The following EHD3 variants were observed in gnomAD, a reference collection of about 807,000 sequenced individuals.
EHD3 encodes EH domain containing 3, also known as EH domain-containing protein 3.
A neutral mutation model predicts 43.0 loss-of-function variants in EHD3; 17 were observed. The ratio of observed to expected loss-of-function variants is 0.40; its 90% confidence interval spans 0.27 to 0.59. EHD3 has a LOEUF of 0.59. EHD3 is among the 20% of genes least tolerant of loss of function. The probability of loss-of-function intolerance (pLI) is 0.49; values close to 1 mark genes in which losing one functional copy is unlikely to be tolerated. For synonymous variants in EHD3, 313 were observed against 289.5 expected, an observed-to-expected ratio of 1.08 and a Z score of -0.82; for missense variants, 594 against 705.6, an observed-to-expected ratio of 0.84 and a Z score of 1.79.
intron 3 of EHD3, among the ~76,000 whole-genome samples, chr2:31,255,267 T>C (rs959820374): frequency 1.1e-4 from 16 of 152,140 alleles, no homozygotes; most frequent in Non-Finnish European, 2.4e-4. Flanking sequence ...TCATGAACAC[T>C]TGGGCTGCCG....
chr2:31,261,964 G>A (rs562068038), intron 5 of EHD3, among the ~76,000 whole-genome samples: 29 of 152,318 alleles, frequency 1.9e-4, no homozygotes, highest in Middle Eastern at 3.4e-3. Flanking sequence ...GATGCTGGGG[G>A]GCTGACACCT....
intron 3 of EHD3, among the ~76,000 whole-genome samples, chr2:31,258,402 G>T (rs957679970): frequency 9.9e-5 from 15 of 152,124 alleles, no homozygotes; most frequent in African/African-American, 3.4e-4. Flanking sequence ...CCACAGGGTG[G>T]GGGAAAGGCT....
chr2:31,264,769 G>A lies in EHD3; in HGVS notation c.1081-1408G>A, dbSNP rs555799083. Among the ~76,000 whole-genome samples the A allele has an allele frequency of 7.2e-4, 110 of 151,820 alleles. 1 individual carries two copies. The highest frequency in any genetic ancestry group is 6.6e-4 in the Non-Finnish European group (45 of 67,922). ...AGGATGGTCTCGATCTCTTGACCTC[G>A]TGATCCGCCTGCCTCAGCCTCCCAA... On this transcript the variant is annotated intron_variant, in intron 5 of 5. Coordinates refer to ENST00000322054, the MANE Select transcript of EHD3 (RefSeq NM_014600.3).
intron 1 of EHD3, among the ~76,000 whole-genome samples, chr2:31,235,821 C>T (rs974071787): frequency 5.9e-5 from 9 of 152,200 alleles, no homozygotes; most frequent in African/African-American, 2.2e-4. Flanking sequence ...AGGCTTCACT[C>T]CAGTCCTCAA....
chr2:31,261,866 C>G (rs555497331), intron 5 of EHD3, among the ~76,000 whole-genome samples, 153 bp downstream of exon 5: 1 of 152,358 alleles, frequency 6.6e-6, no homozygotes, highest in East Asian at 1.9e-4. Context: ...ACACTCCTAG[C>G]TGGGCCATCA....
intron 3 of EHD3, among the ~76,000 whole-genome samples, chr2:31,254,849 G>A (rs894492386): frequency 6.6e-6 from 1 of 152,304 alleles, no homozygotes; most frequent in African/African-American, 2.4e-5. Flanking sequence ...TCCCTGTCCT[G>A]TAAGATGTGT....
intron 2 of EHD3, among the ~76,000 whole-genome samples, chr2:31,247,650 C>A (rs1279124236): frequency 6.6e-6 from 1 of 152,170 alleles, no homozygotes; most frequent in African/African-American, 2.4e-5. Flanking sequence ...AGACACCAGG[C>A]CCCTAGCGGC....
chr2:31,257,251 G>A (rs1349890455), intron 3 of EHD3, among the ~76,000 whole-genome samples: 1 of 152,236 alleles, frequency 6.6e-6, no homozygotes, highest in Admixed American at 6.5e-5. Flanking sequence ...GACTGCCTTT[G>A]GGAGGTGACA....
chr2:31,266,507 A>C lies in EHD3; in HGVS notation c.1411A>C (p.Met471Leu). The C allele has an allele frequency of 6.2e-7, 1 of 1,614,022 alleles. No homozygotes were observed. The highest frequency in any genetic ancestry group is 8.5e-7 in the Non-Finnish European group (1 of 1,179,980). Residue 471 changes from methionine (M) to leucine (L), a missense_variant, in exon 6 of 6, where the codon ATG becomes CTG. By Grantham distance (15) the Met-to-Leu change is conservative. This residue lies in a region of EHD3 where 322 missense variants were observed against 348.0 expected (regional missense o/e 0.93). Transcript: ENST00000322054. This position sits in a 1 kb window ranked among gnomAD's most constrained non-coding sequence, Gnocchi z 5.1. ...CACAGGCGCTAATGCCAAGAAGGAG[A>C]TGGTGCGCTCCAAGCTGCCCAACAG... ...KITGANAKKE[M>L]VRSKLPNSVL...
Position 31,249,444 on chromosome 2 carries a change from G to A in EHD3, c.478G>A (p.Gly160Arg). 1.2e-6 allele frequency: 2 copies of A among 1,614,138 alleles called. No homozygotes were observed. Among genetic ancestry groups the A allele is most frequent in the Non-Finnish European group, 8.5e-7 (1 of 1,180,010 alleles). ...CATCGACACACCAGGGATCCTCTCTGGGGAGAAGCAGAGGATCAGCCGGGG... is the reference window on the plus strand; with the variant it reads ...CATCGACACACCAGGGATCCTCTCTAGGGAGAAGCAGAGGATCAGCCGGGG... ...SVIDTPGILSGEKQRISRGYD... is the reference protein window; with the variant it reads ...SVIDTPGILSREKQRISRGYD... Residue 160 changes from glycine to arginine, a missense_variant, in exon 3 of 6, where the codon GGG becomes AGG. By Grantham distance (125) the Gly-to-Arg change is moderately radical. Coordinates refer to ENST00000322054, the MANE Select transcript of EHD3 (RefSeq NM_014600.3).
chr2:31,259,808 G>C (rs1683814374), intron 3 of EHD3, among the ~76,000 whole-genome samples: 1 of 152,200 alleles, frequency 6.6e-6, no homozygotes, highest in Non-Finnish European at 1.5e-5. Context: ...TGTCAGATTA[G>C]GTGTCCAGAC....
At chr2:31,251,086 C>T (rs1683625603) in intron 3 of EHD3, among the ~76,000 whole-genome samples, 2 of 152,250 alleles carry the variant, frequency 1.3e-5, no homozygotes, top group Admixed American at 6.5e-5. Flanking sequence ...CAGGCCAGTG[C>T]TCCTGCAGTT....
chr2:31,235,497 T>C (rs974040735), intron 1 of EHD3, among the ~76,000 whole-genome samples: 1 of 152,152 alleles, frequency 6.6e-6, no homozygotes, highest in Non-Finnish European at 1.5e-5. Context: ...TTAATAATAA[T>C]ATTAAAGACG....
At chr2:31,253,715 A>C (rs1213875670) in intron 3 of EHD3, among the ~76,000 whole-genome samples, 2 of 151,994 alleles carry the variant, frequency 1.3e-5, no homozygotes, top group African/African-American at 4.8e-5. Flanking sequence ...TGGACCCTCT[A>C]CTGGGCCTGG....
At chr2:31,255,073 C>T (rs539686720) in intron 3 of EHD3, among the ~76,000 whole-genome samples, 9 of 152,294 alleles carry the variant, frequency 5.9e-5, no homozygotes, top group Admixed American at 5.9e-4. Flanking sequence ...GCTTTCTTTC[C>T]AGTCATCTGG....
At chr2:31,243,040 G>C (rs997385994) in intron 1 of EHD3, among the ~76,000 whole-genome samples, 5 of 152,238 alleles carry the variant, frequency 3.3e-5, no homozygotes, top group African/African-American at 1.2e-4. Context: ...ACTTTGAGAG[G>C]CCAAGGCAGG....
chr2:31,267,354 G>A lies in EHD3; in HGVS notation c.*650G>A, dbSNP rs1251237318. On this transcript the variant is annotated 3_prime_UTR_variant, in exon 6 of 6. Coordinates refer to ENST00000322054, the MANE Select transcript of EHD3 (RefSeq NM_014600.3). ...AAGAATCCCAGAGCGGGAGAGAGAA[G>A]AGAAAAAAATTGATAAGAGTGAGGA... is the stretch of plus-strand genomic sequence containing the variant. 1 of 152,118 alleles carries A rather than the reference G, an allele frequency of 6.6e-6. No individual in the cohort carries two copies. Among genetic ancestry groups the A allele is most frequent in the East Asian group, 1.9e-4 (1 of 5,190 alleles). 9.4% of individuals were successfully genotyped at this position (152,118 alleles called of 1,614,324 possible). A position where few individuals can be genotyped will look rare whatever the true frequency, so the allele number is the denominator to read the frequency against.
chr2:31,266,152 T>G lies in EHD3; in HGVS notation c.1081-25T>G, dbSNP rs1429791124. 5.7e-6 allele frequency: 9 copies of G among 1,590,424 alleles called. No individual in the cohort carries two copies. The highest frequency in any genetic ancestry group is 6.9e-6 in the Non-Finnish European group (8 of 1,165,814). Reference sequence around the variant, plus strand: ...GCTCTCCTTTCATCGTATCCTATCTTCATCCTCTCTCCTCCTCTTCCCAGG... The same window carrying G: ...GCTCTCCTTTCATCGTATCCTATCTGCATCCTCTCTCCTCCTCTTCCCAGG... On this transcript the variant is annotated intron_variant, in intron 5 of 5. Transcript: ENST00000322054. This position sits in a 1 kb window ranked among gnomAD's most constrained non-coding sequence, Gnocchi z 5.1.
At chr2:31,244,589 C>G in intron 2 of EHD3, 139 bp downstream of exon 2, 1 of 963,022 alleles carries the variant, frequency 1.0e-6, no homozygotes, top group East Asian at 2.6e-5. Flanking sequence ...TAGATTGTCC[C>G]TTGCTTGCTG....
Sources: allele counts gnomAD v4.1 joint callset (sites outside exome capture counted in the v4.1 genomes callset), GRCh38; gene constraint gnomAD v4.1.1; regional missense constraint gnomAD v4.1.1; non-coding constraint Gnocchi (gnomAD v3.1); transcripts MANE v1.5; gene names NCBI Gene and HGNC (gene_info 2026-07-23, HGNC 2026-07-21).